The following GTF2F2 variants were observed in gnomAD, a reference collection of about 807,000 sequenced individuals.
The protein encoded by GTF2F2 is general transcription factor IIF subunit 2.
In GTF2F2, 23 loss-of-function variants were observed where a neutral mutation model predicts 42.2. The ratio of observed to expected loss-of-function variants is 0.55; its 90% CI spans 0.39 to 0.77. GTF2F2 has a LOEUF of 0.77. GTF2F2 is among the 30% of genes least tolerant of loss of function. The pLI, the probability that GTF2F2 is intolerant of heterozygous loss-of-function variation, is 0.00. For synonymous variants in GTF2F2, 105 were observed against 100.8 expected (o/e 1.04, Z -0.25); for missense variants, 261 against 287.2 (o/e 0.91, Z 0.66).
intron 4 of GTF2F2, among the ~76,000 whole-genome samples, chr13:45,168,715 T>C (rs1463336338): frequency 6.6e-6 from 1 of 151,992 alleles, no homozygotes. Context: ...GGGGCTCTAG[T>C]GATTTCCCCA....
intron 5 of GTF2F2, among the ~76,000 whole-genome samples, chr13:45,243,557 T>A (rs1875430532): frequency 2.0e-5 from 3 of 152,262 alleles, no homozygotes; most frequent in Admixed American, 6.5e-5. Flanking sequence ...ATATGTTAAA[T>A]CATCTCTTGA....
At chr13:45,275,304 A>T (rs1035249967) in intron 7 of GTF2F2, among the ~76,000 whole-genome samples, 10 of 151,622 alleles carry the variant, frequency 6.6e-5, no homozygotes, top group African/African-American at 2.2e-4. Flanking sequence ...AATGGTGTTT[A>T]TTATTATTAT....
chr13:45,193,310 T>A (rs1346286139), intron 4 of GTF2F2: 1 of 153,810 alleles, frequency 6.5e-6, no homozygotes, highest in Non-Finnish European at 1.4e-5. Flanking sequence ...TTTAGTTAGA[T>A]CTGCACATCT....
chr13:45,139,360 CTCTG>C (rs1365016058), intron 2 of GTF2F2, among the ~76,000 whole-genome samples: 1 of 152,228 alleles, frequency 6.6e-6, no homozygotes, highest in African/African-American at 2.4e-5. Flanking sequence ...ACACCTCTCT[CTCTG>C]TCCACGCTCG....
chr13:45,239,404 T>G (rs141125406), intron 5 of GTF2F2, among the ~76,000 whole-genome samples: 2 of 152,334 alleles, frequency 1.3e-5, no homozygotes, highest in East Asian at 3.9e-4. Flanking sequence ...GCTGGTGATA[T>G]ACTCTTCCTA....
chr13:45,262,914 A>C (rs955184233), intron 6 of GTF2F2, among the ~76,000 whole-genome samples: 1 of 151,030 alleles, frequency 6.6e-6, no homozygotes, highest in South Asian at 2.1e-4. Context: ...TTTTGTAGAG[A>C]TGGGTCTCAC....
intron 4 of GTF2F2, among the ~76,000 whole-genome samples, chr13:45,181,383 A>G (rs1168092527): frequency 3.3e-5 from 5 of 152,092 alleles, no homozygotes; most frequent in African/African-American, 1.2e-4. Flanking sequence ...CTTTTGCTGT[A>G]AAATAATGAG....
At chr13:45,261,298 C>T (rs568388509) in intron 6 of GTF2F2, among the ~76,000 whole-genome samples, 7 of 151,612 alleles carry the variant, frequency 4.6e-5, no homozygotes, top group African/African-American at 9.7e-5. Context: ...TGGTGGCACG[C>T]GCCTGTAGTC....
At chr13:45,174,917 A>G (rs896938980) in intron 4 of GTF2F2, among the ~76,000 whole-genome samples, 6 of 152,202 alleles carry the variant, frequency 3.9e-5, no homozygotes, top group African/African-American at 1.4e-4. Flanking sequence ...AGTTGTTAGC[A>G]TATCTGTCAC....
At chr13:45,179,721 A>C (rs911827269) in intron 4 of GTF2F2, among the ~76,000 whole-genome samples, 1 of 151,970 alleles carries the variant, frequency 6.6e-6, no homozygotes, top group Admixed American at 6.6e-5. Flanking sequence ...GTAATTTCTT[A>C]TTATCTTGTG....
chr13:45,121,908 G>A (rs539729897), intron 1 of GTF2F2, among the ~76,000 whole-genome samples: 1 of 147,500 alleles, frequency 6.8e-6, no homozygotes, highest in South Asian at 2.1e-4. Flanking sequence ...GAGTCACTAA[G>A]GAGGAGATTG....
At chr13:45,208,601 G>T (rs1206873640) in intron 5 of GTF2F2, among the ~76,000 whole-genome samples, 1 of 152,188 alleles carries the variant, frequency 6.6e-6, no homozygotes, top group Non-Finnish European at 1.5e-5. Flanking sequence ...AGAAGACACT[G>T]CTGAAGTAGT....
At chr13:45,179,718 CTTA>C (rs983302070) in intron 4 of GTF2F2, among the ~76,000 whole-genome samples, 2 of 152,050 alleles carry the variant, frequency 1.3e-5, no homozygotes. Flanking sequence ...CTTGTAATTT[CTTA>C]TTATCTTGTG....
intron 5 of GTF2F2, among the ~76,000 whole-genome samples, chr13:45,250,698 G>A (rs573802775): frequency 2.0e-5 from 3 of 152,106 alleles, no homozygotes; most frequent in East Asian, 1.9e-4. Context: ...GGAGAGATAC[G>A]CAGGGACTAG....
rs191750885 is a variant in GTF2F2 at position 45,246,306 on chromosome 13, C to T, written c.387-6565C>T. Among the ~76,000 whole-genome samples, 13 of 152,172 alleles carry T rather than the reference C, an allele frequency of 8.5e-5. No homozygotes were observed. In the East Asian group the frequency reaches 1.6e-3, roughly 18 times the overall value. ...GATTACAGGCGTGAGCCACCGCGCC[C>T]GGCCTATTTTTTTATTTTTTAAATT... On this transcript the variant is annotated intron_variant, in intron 5 of 7. Coordinates refer to ENST00000340473, the MANE Select transcript of GTF2F2 (RefSeq NM_004128.3).
intron 5 of GTF2F2, among the ~76,000 whole-genome samples, chr13:45,232,986 CT>C (rs1220506959): frequency 6.6e-6 from 1 of 152,194 alleles, no homozygotes; most frequent in Non-Finnish European, 1.5e-5. Context: ...ACTTGACCAT[CT>C]GTTACAAAAT....
chr13:45,162,458 T>C (rs1473205647), intron 4 of GTF2F2, among the ~76,000 whole-genome samples: 1 of 152,204 alleles, frequency 6.6e-6, no homozygotes, highest in African/African-American at 2.4e-5. Context: ...AACAAAAATA[T>C]ATGAGTTTAG....
chr13:45,227,733 G>T (rs1441250434), intron 5 of GTF2F2, among the ~76,000 whole-genome samples: 3 of 152,200 alleles, frequency 2.0e-5, no homozygotes, highest in Admixed American at 2.0e-4. Flanking sequence ...GTAATTAAAT[G>T]ACATATTGGG....
At chr13:45,221,465 G>T (rs1226291618) in intron 5 of GTF2F2, among the ~76,000 whole-genome samples, 1 of 152,138 alleles carries the variant, frequency 6.6e-6, no homozygotes, top group Non-Finnish European at 1.5e-5. Context: ...ACTTATCCAT[G>T]TAACCAAAAA....
Sources: gnomAD v4.1 joint callset for allele counts (sites outside exome capture counted in the v4.1 genomes callset) on GRCh38, gnomAD v4.1.1 for gene constraint, MANE v1.5 for transcripts, NCBI Gene and HGNC (gene_info 2026-07-23, HGNC 2026-07-21) for gene names.